CNTNAP5: variants seen among roughly 807,000 people sequenced by gnomAD.
The protein encoded by CNTNAP5 is contactin-associated protein-like 5.
Under a neutral mutation model 150.2 loss-of-function variants are expected in CNTNAP5, and 72 were observed. The ratio of observed to expected loss-of-function variants is 0.48; its 90% CI spans 0.40 to 0.58. CNTNAP5 has a LOEUF of 0.58. Among genes scored for constraint, CNTNAP5 ranks in the 20% least tolerant of loss-of-function variants. The pLI, the probability that CNTNAP5 is intolerant of heterozygous loss-of-function variation, is 0.00. For missense variants in CNTNAP5, 1,636 were observed against 1,626.2 expected (o/e 1.01, Z -0.10); for synonymous variants, 672 against 619.8 (o/e 1.08, Z -1.25).
intron 12 of CNTNAP5, among the ~76,000 whole-genome samples, chr2:124,625,962 A>T (rs1244372908): frequency 6.6e-6 from 1 of 152,228 alleles, no homozygotes; most frequent in Non-Finnish European, 1.5e-5. Context: ...TAATTTCCTC[A>T]TCTGTATAAT....
rs1490005107 is a variant in CNTNAP5, at chr2:124,261,241, A to G, written c.381+18848A>G. 2.6e-5 allele frequency among the ~76,000 whole-genome samples: 4 copies of G among 152,294 alleles called. No individual in the cohort carries two copies. In the East Asian group the frequency reaches 5.8e-4, roughly 22 times the overall value. ...ATTCTGTGTTGGGACTCATTTAAAT[A>G]TAGAGATATCTAAAAATATAAATAT... On this transcript the variant is annotated intron_variant, in intron 3 of 23. Coordinates refer to ENST00000682447, the MANE Select transcript of CNTNAP5 (RefSeq NM_001367498.1).
intron 2 of CNTNAP5, among the ~76,000 whole-genome samples, chr2:124,230,152 C>G (rs1298706748): frequency 6.6e-6 from 1 of 152,092 alleles, no homozygotes; most frequent in Admixed American, 6.6e-5. Context: ...ATTCCATGCA[C>G]ACTTACCACC....
At chr2:124,318,951 G>A (rs1225739524) in intron 3 of CNTNAP5, among the ~76,000 whole-genome samples, 4 of 152,146 alleles carry the variant, frequency 2.6e-5, no homozygotes, top group Non-Finnish European at 5.9e-5. Flanking sequence ...CTCTAGTTGG[G>A]TAGAACTGGT....
At chr2:124,295,853 C>G (rs1351165676) in intron 3 of CNTNAP5, among the ~76,000 whole-genome samples, 1 of 152,280 alleles carries the variant, frequency 6.6e-6, no homozygotes, top group African/African-American at 2.4e-5. Flanking sequence ...CAGTTACCAT[C>G]ATTCTGACTT....
chr2:124,779,496 G>T (rs1451752504), intron 17 of CNTNAP5, among the ~76,000 whole-genome samples: 1 of 152,102 alleles, frequency 6.6e-6, no homozygotes, highest in Admixed American at 6.6e-5. Context: ...TATTTTTCGT[G>T]CAACTTACAC....
At chr2:124,026,339 A>T (rs1178940216) in intron 1 of CNTNAP5, among the ~76,000 whole-genome samples, 1 of 152,156 alleles carries the variant, frequency 6.6e-6, no homozygotes, top group Non-Finnish European at 1.5e-5. Context: ...TTACAGGAGG[A>T]AGAGCTTTGA....
At position 124,373,949 on chromosome 2, in the gene CNTNAP5, A is replaced by T. The variant is rs78887076; in HGVS notation, c.382-43494A>T. Among the ~76,000 whole-genome samples the T allele has an allele frequency of 1.2e-4, 18 of 152,186 alleles. 1 individual carries two copies. The East Asian group carries it at 3.5e-3, about 29-fold the overall frequency. ...TCATTTTATGATATGTTAAGTGAAGATCACAAGACAATATATTTGCAGTGT... is the reference window on the plus strand; with the variant it reads ...TCATTTTATGATATGTTAAGTGAAGTTCACAAGACAATATATTTGCAGTGT... On this transcript the variant is annotated intron_variant, in intron 3 of 23. Transcript: ENST00000682447.
At chr2:124,616,653 A>G (rs1400195381) in intron 12 of CNTNAP5, among the ~76,000 whole-genome samples, 1 of 152,192 alleles carries the variant, frequency 6.6e-6, no homozygotes, top group Admixed American at 6.5e-5. Flanking sequence ...CTTTTGGTCT[A>G]TCTCCACTTT....
chr2:124,133,811 T>A (rs189449476), intron 1 of CNTNAP5, among the ~76,000 whole-genome samples: 1 of 152,334 alleles, frequency 6.6e-6, no homozygotes, highest in East Asian at 1.9e-4. Context: ...GTCATATTTG[T>A]GTGTCCATGT....
intron 1 of CNTNAP5, among the ~76,000 whole-genome samples, chr2:124,027,829 A>C (rs537809934): frequency 1.3e-5 from 2 of 152,338 alleles, no homozygotes; most frequent in South Asian, 4.1e-4. Flanking sequence ...GCTGTACAAA[A>C]TCTATTAATT....
At chr2:124,784,059 A>C (rs1470517421) in intron 17 of CNTNAP5, among the ~76,000 whole-genome samples, 1 of 152,206 alleles carries the variant, frequency 6.6e-6, no homozygotes, top group Non-Finnish European at 1.5e-5. Context: ...TTAGTCAAAA[A>C]GTCTGCCACT....
intron 1 of CNTNAP5, among the ~76,000 whole-genome samples, chr2:124,070,867 A>G (rs1195451022): frequency 6.6e-6 from 1 of 152,006 alleles, no homozygotes; most frequent in East Asian, 1.9e-4. Flanking sequence ...AATATTACAG[A>G]GCATTTCATC....
At chr2:124,500,460 G>T (rs1240578515) in intron 7 of CNTNAP5, among the ~76,000 whole-genome samples, 1 of 152,176 alleles carries the variant, frequency 6.6e-6, no homozygotes, top group Non-Finnish European at 1.5e-5. Flanking sequence ...CTTAGAGGTA[G>T]GGTACTTCTT....
intron 1 of CNTNAP5, among the ~76,000 whole-genome samples, chr2:124,215,045 T>C (rs1282608105): frequency 6.6e-6 from 1 of 152,120 alleles, no homozygotes; most frequent in Admixed American, 6.5e-5. Context: ...ATTTTCTAAG[T>C]GAAATTATAG....
At chr2:124,655,539 A>T (rs1443556449) in intron 13 of CNTNAP5, among the ~76,000 whole-genome samples, 2 of 26,098 alleles carry the variant, frequency 7.7e-5, no homozygotes, top group South Asian at 1.5e-3. Flanking sequence ...TCAAATGATT[A>T]TATATATATA....
intron 3 of CNTNAP5, among the ~76,000 whole-genome samples, chr2:124,304,424 C>A (rs942200298): frequency 2.7e-5 from 4 of 146,880 alleles, no homozygotes; most frequent in African/African-American, 1.1e-4. Flanking sequence ...TATAAAAACA[C>A]TGAACCAAGA....
chr2:124,175,029 CA>C (rs1005217812), intron 1 of CNTNAP5, among the ~76,000 whole-genome samples: 32 of 152,152 alleles, frequency 2.1e-4, no homozygotes, highest in African/African-American at 5.6e-4. Context: ...AAAGTAAGTA[CA>C]TTTTTTTTAG....
chr2:124,095,394 T>C (rs746113292), intron 1 of CNTNAP5, among the ~76,000 whole-genome samples: 1 of 152,104 alleles, frequency 6.6e-6, no homozygotes, highest in Non-Finnish European at 1.5e-5. Context: ...ATCTAATGCA[T>C]GCGGGTCTTA....
intron 7 of CNTNAP5, among the ~76,000 whole-genome samples, chr2:124,496,254 G>A (rs1694142535): frequency 6.6e-6 from 1 of 152,178 alleles, no homozygotes; most frequent in Admixed American, 6.5e-5. Flanking sequence ...GGTAGCTTGA[G>A]CTCACAGGGC....
Sources: gnomAD v4.1 joint callset for allele counts (sites outside exome capture counted in the v4.1 genomes callset) on GRCh38, gnomAD v4.1.1 for gene constraint, MANE v1.5 for transcripts, NCBI Gene and HGNC (gene_info 2026-07-23, HGNC 2026-07-21) for gene names.